Variants in SEC14L2 observed in about 807,000 individuals in gnomAD.
SEC14L2 encodes the protein SEC14 like lipid binding 2.
SEC14L2 carries 50 observed loss-of-function variants against 56.9 expected under a neutral mutation model. The ratio of observed to expected loss-of-function variants is 0.88; its 90% CI spans 0.70 to 1.11. The LOEUF is 1.11. Ranked by LOEUF, SEC14L2 falls within the 50% of genes most tolerant of loss-of-function variation. The probability of loss-of-function intolerance (pLI) is 0.00; values close to 1 mark genes in which losing one functional copy is unlikely to be tolerated. For missense variants in SEC14L2, 414 were observed against 500.7 expected (o/e 0.83, Z 1.65); for synonymous variants, 179 against 188.5 (o/e 0.95, Z 0.41).
At chr22:30,417,638 G>C (rs929686705) in intron 11 of SEC14L2, among the ~76,000 whole-genome samples, 6 of 152,184 alleles carry the variant, frequency 3.9e-5, no homozygotes, top group African/African-American at 1.2e-4. Context: ...GCCTGGCATA[G>C]AGCAAGCACT....
intron 2 of SEC14L2, among the ~76,000 whole-genome samples, chr22:30,404,030 GA>G (rs5844905): frequency 1.6e-4 from 14 of 87,660 alleles, no homozygotes; most frequent in Admixed American, 6.4e-4. Flanking sequence ...AAAAAAAAAA[GA>G]AAAAAAAAAA....
At chr22:30,402,973 G>A (rs1056758489) in intron 2 of SEC14L2, among the ~76,000 whole-genome samples, 2 of 151,884 alleles carry the variant, frequency 1.3e-5, no homozygotes, top group South Asian at 2.1e-4. Context: ...CCAGCTACTC[G>A]GTAGGCCGAG....
At chr22:30,398,496 C>A in intron 1 of SEC14L2, 2 of 355,890 alleles carry the variant, frequency 5.6e-6, no homozygotes, top group Non-Finnish European at 5.6e-6. Context: ...CATATAGGGG[C>A]CTGTTCGCCT....
At chr22:30,399,789 A>C in intron 2 of SEC14L2, 71 bp downstream of exon 2, 3 of 1,400,452 alleles carry the variant, frequency 2.1e-6, no homozygotes, top group Non-Finnish European at 3.0e-6. Flanking sequence ...ACCCTCTGAA[A>C]ACCCTGCCCT....
In SEC14L2 at chr22:30,422,437, T is replaced by C. The variant is rs2146047217; in HGVS notation, c.*30T>C. On this transcript the variant is annotated 3_prime_UTR_variant, in exon 12 of 12. Transcript: ENST00000615189. ...TTCTCCTATAGCAGGCCTGGCCCCC[T>C]CAGTGTCTCCCTGTCAATTTCTACC... 6.2e-7 allele frequency: 1 copy of C among 1,613,202 alleles called. No homozygotes were observed. The highest frequency in any genetic ancestry group is 8.5e-7 in the Non-Finnish European group (1 of 1,179,602).
chr22:30,397,166 C>T lies in SEC14L2; in HGVS notation c.50C>T (p.Ala17Val). ...AGCCCCAGGCAGAAGGAGGCATTGG[C>T]CAAGGTGAGCTGTAGCCCTGGCCCG... ...DLSPRQKEAL[A>V]KFRENVQDVL... The change falls in exon 1 of 12, where the codon GCC (alanine) becomes GTC (valine). Residue 17 changes from alanine (A) to valine (V), a missense_variant. Transcript: ENST00000615189. 2 of 1,541,776 alleles carry T rather than the reference C, an allele frequency of 1.3e-6. No homozygotes were observed. The highest frequency in any genetic ancestry group is 1.7e-6 in the Non-Finnish European group (2 of 1,142,962).
At chr22:30,409,068 C>T (rs748025633) in intron 5 of SEC14L2, 119 bp from the exon 6 acceptor site, 2 of 908,248 alleles carry the variant, frequency 2.2e-6, no homozygotes, top group Non-Finnish European at 3.7e-6. Context: ...AACTCTAGGT[C>T]CGGCCCTAAC....
chr22:30,402,287 A>G (rs1193036619), intron 2 of SEC14L2, among the ~76,000 whole-genome samples: 3 of 152,150 alleles, frequency 2.0e-5, no homozygotes, highest in Non-Finnish European at 4.4e-5. Context: ...ATGATCCAGC[A>G]GACTAGGGAG....
At chr22:30,418,072 ATTTT>A (rs1223154621) in intron 11 of SEC14L2, among the ~76,000 whole-genome samples, 1 of 151,944 alleles carries the variant, frequency 6.6e-6, no homozygotes, top group Non-Finnish European at 1.5e-5. Context: ...ATAAGCTTGA[ATTTT>A]TTTGTCTGTT....
intron 11 of SEC14L2, chr22:30,416,796 A>G: frequency 8.4e-7 from 1 of 1,190,120 alleles, no homozygotes; most frequent in Non-Finnish European, 1.0e-6. Context: ...AGGTAAGCAG[A>G]TGCTCAAAAG....
chr22:30,420,519 T>G (rs1439100917), intron 11 of SEC14L2: 2 of 152,180 alleles, frequency 1.3e-5, no homozygotes, highest in African/African-American at 4.8e-5. Flanking sequence ...GGACCTCTCC[T>G]CCAGCATGGC....
At chr22:30,404,736 C>A (rs1052922151) in intron 2 of SEC14L2, among the ~76,000 whole-genome samples, 2 of 152,164 alleles carry the variant, frequency 1.3e-5, no homozygotes, top group African/African-American at 4.8e-5. Flanking sequence ...GTTTCAGTGC[C>A]TATAAGCTCC....
chr22:30,415,258 C>G (rs1934356940), intron 8 of SEC14L2, among the ~76,000 whole-genome samples: 1 of 152,060 alleles, frequency 6.6e-6, no homozygotes, highest in South Asian at 2.1e-4. Context: ...ATGGTGAAAC[C>G]CTATCTCTAC....
At chr22:30,399,970 G>A (rs1377006627) in intron 2 of SEC14L2, among the ~76,000 whole-genome samples, 3 of 152,254 alleles carry the variant, frequency 2.0e-5, no homozygotes, top group African/African-American at 7.2e-5. Flanking sequence ...GAGAGTCCAG[G>A]TCGGCTGACC....
intron 8 of SEC14L2, among the ~76,000 whole-genome samples, chr22:30,412,506 G>A (rs117836711): frequency 7.9e-5 from 12 of 152,142 alleles, no homozygotes; most frequent in Admixed American, 2.0e-4. Flanking sequence ...ATAGAGAGGA[G>A]AGGATGGATT....
At chr22:30,410,490 G>A in intron 7 of SEC14L2, 106 bp from the exon 8 acceptor site, 1 of 1,067,426 alleles carries the variant, frequency 9.4e-7, no homozygotes, top group Non-Finnish European at 1.4e-6. Flanking sequence ...TGGGGAACAT[G>A]TGGCCCAGCA....
rs1569207343 is a variant in SEC14L2 at position 30,407,125 on chromosome 22, GACA to G, written c.209_211del (p.Asn70del). ...GGAGTTCCGAAAGCAAAAGGACATT[GACA>G]ACATCATTAGCTGGCAGCCTCCAGA... On this transcript the variant is annotated inframe_deletion, in exon 4 of 12. Coordinates refer to ENST00000615189, the MANE Select transcript of SEC14L2 (RefSeq NM_012429.5). 1.2e-6 allele frequency: 2 copies of G among 1,613,976 alleles called. No individual in the cohort carries two copies. Among genetic ancestry groups the G allele is most frequent in the Non-Finnish European group, 1.7e-6 (2 of 1,180,000 alleles).
intron 2 of SEC14L2, among the ~76,000 whole-genome samples, chr22:30,404,030 G>GAA (rs5844905): frequency 0.31 from 26,528 of 86,872 alleles, 3,228 homozygotes; most frequent in Middle Eastern, 0.38. Flanking sequence ...AAAAAAAAAA[G>GAA]AAAAAAAAAA....
intron 2 of SEC14L2, among the ~76,000 whole-genome samples, chr22:30,405,850 TTTTTG>T (rs1037407464): frequency 2.0e-5 from 3 of 151,982 alleles, no homozygotes; most frequent in Admixed American, 6.6e-5. Flanking sequence ...CTAATTAGTT[TTTTTG>T]TTTTGTTTTG....
Sources: allele counts gnomAD v4.1 joint callset (sites outside exome capture counted in the v4.1 genomes callset), GRCh38; gene constraint gnomAD v4.1.1; transcripts MANE v1.5; gene names NCBI Gene and HGNC (gene_info 2026-07-23, HGNC 2026-07-21).